CERS6: variants seen among roughly 807,000 people sequenced by gnomAD.
CERS6 encodes the protein LAG1 homolog, ceramide synthase 6.
Under a neutral mutation model 56.8 loss-of-function variants are expected in CERS6, and 26 were observed. The observed-to-expected ratio is 0.46, with a 90% confidence interval of 0.34 to 0.63. CERS6 has a LOEUF of 0.63. CERS6 is among the 30% of genes least tolerant of loss of function. The pLI, the probability that CERS6 is intolerant of heterozygous loss-of-function variation, is 0.01. For synonymous variants in CERS6, 164 were observed against 173.3 expected (o/e 0.95, Z 0.42); for missense variants, 415 against 467.5 (o/e 0.89, Z 1.04).
At chr2:168,524,258 G>A (rs1221496025) in intron 1 of CERS6, among the ~76,000 whole-genome samples, 5 of 152,222 alleles carry the variant, frequency 3.3e-5, no homozygotes, top group Admixed American at 3.3e-4. Flanking sequence ...AACTGTGGTA[G>A]GCTTAGAATG....
At chr2:168,594,941 G>A (rs11897259) in intron 3 of CERS6, among the ~76,000 whole-genome samples, 1,834 of 152,280 alleles carry the variant, frequency 0.012, 30 homozygotes, top group African/African-American at 0.04. Context: ...TTTGCTGATT[G>A]ATTCAAAGTG....
intron 1 of CERS6, among the ~76,000 whole-genome samples, chr2:168,512,124 A>T (rs1454891987): frequency 6.6e-6 from 1 of 152,198 alleles, no homozygotes; most frequent in African/African-American, 2.4e-5. Context: ...AGGTACCTAG[A>T]ATAGTCAGAT....
chr2:168,507,675 G>A (rs945374740), intron 1 of CERS6, among the ~76,000 whole-genome samples: 3 of 152,092 alleles, frequency 2.0e-5, no homozygotes, highest in African/African-American at 4.8e-5. Flanking sequence ...CCAACATCTT[G>A]TTCCTTATCA....
intron 3 of CERS6, among the ~76,000 whole-genome samples, chr2:168,600,416 G>T (rs1449490516): frequency 6.6e-6 from 1 of 152,092 alleles, no homozygotes; most frequent in Non-Finnish European, 1.5e-5. Flanking sequence ...CTGTTAGCCA[G>T]GATGGTCTCG....
chr2:168,652,435 C>A (rs1052630947), intron 4 of CERS6, among the ~76,000 whole-genome samples: 6 of 152,102 alleles, frequency 3.9e-5, no homozygotes, highest in African/African-American at 1.4e-4. Flanking sequence ...AGCCACGTAG[C>A]CAACACCTGA....
At chr2:168,490,602 C>T (rs1226695330) in intron 1 of CERS6, among the ~76,000 whole-genome samples, 1 of 152,178 alleles carries the variant, frequency 6.6e-6, no homozygotes, top group Admixed American at 6.6e-5. Flanking sequence ...CATGCTTCTG[C>T]TAAGTTTACA....
At chr2:168,593,685 C>G in intron 3 of CERS6, among the ~76,000 whole-genome samples, 1 of 152,168 alleles carries the variant, frequency 6.6e-6, no homozygotes, top group East Asian at 1.9e-4. Flanking sequence ...CTGGAAATTT[C>G]TTCCCCCTTT....
At chr2:168,671,972 T>C (rs1021033597) in intron 4 of CERS6, among the ~76,000 whole-genome samples, 9 of 152,216 alleles carry the variant, frequency 5.9e-5, no homozygotes, top group African/African-American at 1.9e-4. Flanking sequence ...GATGCATCTA[T>C]TAAGTGGAAT....
intron 1 of CERS6, among the ~76,000 whole-genome samples, chr2:168,478,114 TG>T (rs1694112289): frequency 6.6e-6 from 1 of 152,058 alleles, no homozygotes; most frequent in African/African-American, 2.4e-5. Context: ...TTGTTTGCTT[TG>T]TTTTGTTTTT....
chr2:168,527,123 G>A (rs145754822), intron 1 of CERS6, among the ~76,000 whole-genome samples: 175 of 152,330 alleles, frequency 1.1e-3, no homozygotes, highest in African/African-American at 4.1e-3. Context: ...TTGGCTGGAA[G>A]AGGAAGACTG....
At chr2:168,619,891 A>G (rs1014963814) in intron 3 of CERS6, among the ~76,000 whole-genome samples, 3 of 151,244 alleles carry the variant, frequency 2.0e-5, no homozygotes, top group African/African-American at 4.8e-5. Context: ...TCATGTTTAT[A>G]GCTGCACAAT....
intron 3 of CERS6, among the ~76,000 whole-genome samples, chr2:168,562,091 A>G (rs528801414): frequency 2.0e-5 from 3 of 152,334 alleles, no homozygotes; most frequent in Admixed American, 1.3e-4. Context: ...GTCTTCTAAC[A>G]GTCCCTCAAT....
chr2:168,652,122 C>T (rs1476442870), intron 4 of CERS6, among the ~76,000 whole-genome samples: 1 of 149,476 alleles, frequency 6.7e-6, no homozygotes. Context: ...TTGTAAATTG[C>T]AGTCACATTT....
At chr2:168,513,987 A>T (rs573024416) in intron 1 of CERS6, among the ~76,000 whole-genome samples, 1 of 152,300 alleles carries the variant, frequency 6.6e-6, no homozygotes, top group African/African-American at 2.4e-5. Flanking sequence ...AAAGTGAAAA[A>T]AACCCTGTGC....
At chr2:168,467,896 T>C (rs747706567) in intron 1 of CERS6, among the ~76,000 whole-genome samples, 86 of 152,288 alleles carry the variant, frequency 5.6e-4, no homozygotes, top group Non-Finnish European at 1.1e-3. Flanking sequence ...CATGGGGTCA[T>C]GGTACAACTT....
intron 8 of CERS6, among the ~76,000 whole-genome samples, chr2:168,727,210 G>A (rs573357069): frequency 6.6e-6 from 1 of 152,092 alleles, no homozygotes; most frequent in East Asian, 1.9e-4. Context: ...GAAAAGTAGG[G>A]GAATTATCTG....
chr2:168,467,665 C>G lies in CERS6; in HGVS notation c.170+11047C>G, dbSNP rs116277618. 7.6e-3 allele frequency among the ~76,000 whole-genome samples: 1,157 copies of G among 152,284 alleles called. 6 individuals carry two copies. Among genetic ancestry groups the G allele is most frequent in the Non-Finnish European group, 0.012 (842 of 68,002 alleles). On this transcript the variant is annotated intron_variant, in intron 1 of 9. Transcript: ENST00000305747. ...AACATATTCTCTCAAATTTGGTGTC[C>G]TCTCTTGTAAAATGGAGAATATGCC...
At chr2:168,760,766 A>ATTTATTTTTTTTT (rs1224521892) in intron 8 of CERS6, among the ~76,000 whole-genome samples, 2 of 127,120 alleles carry the variant, frequency 1.6e-5, no homozygotes, top group African/African-American at 5.1e-5. Flanking sequence ...TTATTTATTT[A>ATTTATTTTTTTTT]TTTTTTTGAG....
chr2:168,666,634 G>A (rs915912087), intron 4 of CERS6, among the ~76,000 whole-genome samples: 1 of 152,284 alleles, frequency 6.6e-6, no homozygotes, highest in Middle Eastern at 3.4e-3. Context: ...TGAGTCTTCA[G>A]TTCATTTGGA....
Sources: allele counts gnomAD v4.1 joint callset (sites outside exome capture counted in the v4.1 genomes callset), GRCh38; gene constraint gnomAD v4.1.1; transcripts MANE v1.5; gene names NCBI Gene and HGNC (gene_info 2026-07-23, HGNC 2026-07-21).